Variants in ASCC3 observed in about 807,000 individuals in gnomAD.
ASCC3 encodes the protein ASC-1 complex subunit P200.
ASCC3 carries 158 observed loss-of-function variants against 256.3 expected under a neutral mutation model. The observed-to-expected ratio is 0.62, with a 90% CI of 0.54 to 0.70. The LOEUF (loss-of-function observed/expected upper bound fraction) is 0.70, where lower values mean the gene tolerates loss of function less well. Among genes scored for constraint, ASCC3 ranks in the 30% least tolerant of loss-of-function variants. The pLI is 0.00. For missense variants in ASCC3, 2,259 were observed against 2,626.0 expected (o/e 0.86, Z 3.05); for synonymous variants, 948 against 883.4 (o/e 1.07, Z -1.30).
At chr6:100,747,491 T>C (rs1245893567) in intron 10 of ASCC3, among the ~76,000 whole-genome samples, 1 of 152,044 alleles carries the variant, frequency 6.6e-6, no homozygotes, top group Admixed American at 6.6e-5. Flanking sequence ...CATATGTCTG[T>C]GAAAATTAAA....
At chr6:100,843,980 C>G (rs766904381) in intron 4 of ASCC3, among the ~76,000 whole-genome samples, 7 of 151,474 alleles carry the variant, frequency 4.6e-5, no homozygotes, top group Non-Finnish European at 8.8e-5. Context: ...CAAATCCTCA[C>G]AGCAACACTG....
At chr6:100,645,880 T>A (rs546960687) in intron 22 of ASCC3, among the ~76,000 whole-genome samples, 7 of 151,998 alleles carry the variant, frequency 4.6e-5, no homozygotes, top group Admixed American at 1.3e-4. Context: ...CTGAGAAAAA[T>A]CTATTTATTA....
intron 7 of ASCC3, 76 bp from the exon 8 acceptor site, chr6:100,798,914 A>C: frequency 3.0e-6 from 4 of 1,331,974 alleles, no homozygotes; most frequent in Non-Finnish European, 4.2e-6. Flanking sequence ...CTTTAGAGAG[A>C]GACAGAAAAC....
intron 4 of ASCC3, among the ~76,000 whole-genome samples, chr6:100,844,915 T>G (rs1772317413): frequency 6.6e-6 from 1 of 152,182 alleles, no homozygotes; most frequent in African/African-American, 2.4e-5. Flanking sequence ...AGAACATAGA[T>G]GTGCTTTCTA....
At chr6:100,850,849 T>C (rs1173817440) in intron 3 of ASCC3, among the ~76,000 whole-genome samples, 1 of 152,190 alleles carries the variant, frequency 6.6e-6, no homozygotes, top group Non-Finnish European at 1.5e-5. Flanking sequence ...TTATAACTTG[T>C]AAAACAGGAT....
In ASCC3 at chr6:100,518,628, C is replaced by T. The variant is rs544666843; in HGVS notation, c.5776-486G>A. Among the ~76,000 whole-genome samples, 29 of 152,196 alleles carry T rather than the reference C, an allele frequency of 1.9e-4. No individual in the cohort carries two copies. The South Asian group carries it at 6.0e-3, about 32-fold the overall frequency. ...AAGATAGAGGCCTGGTTTTCAATGACAATAATACACCACACCACACACTAG... is the reference window on the plus strand; with the variant it reads ...AAGATAGAGGCCTGGTTTTCAATGATAATAATACACCACACCACACACTAG... On this transcript the variant is annotated intron_variant, in intron 37 of 41. Coordinates refer to ENST00000369162, the MANE Select transcript of ASCC3 (RefSeq NM_006828.4).
intron 37 of ASCC3, chr6:100,530,562 A>C (rs1774817799): frequency 3.8e-6 from 3 of 785,602 alleles, no homozygotes; most frequent in Non-Finnish European, 4.7e-6. Context: ...CCTGGCACTC[A>C]ATCCAGCCAG....
chr6:100,545,781 T>C (rs1428231024), intron 36 of ASCC3, among the ~76,000 whole-genome samples: 3 of 152,158 alleles, frequency 2.0e-5, no homozygotes, highest in Non-Finnish European at 4.4e-5. Flanking sequence ...GGGATCTTAC[T>C]ATGTTGCGGA....
intron 10 of ASCC3, among the ~76,000 whole-genome samples, chr6:100,743,477 CTCACCCCCGGACTCTCCTA>C (rs1780527331): frequency 6.6e-6 from 1 of 152,054 alleles, no homozygotes; most frequent in African/African-American, 2.4e-5. Flanking sequence ...AGTCTTCTCC[CTCACCCCCGGACTCTCCTA>C]TCAAAACAGG....
At chr6:100,606,411 G>T (rs1772890063) in intron 32 of ASCC3, among the ~76,000 whole-genome samples, 1 of 152,048 alleles carries the variant, frequency 6.6e-6, no homozygotes, top group South Asian at 2.1e-4. Flanking sequence ...ACAATACTTA[G>T]TCATAATTTA....
In ASCC3 at chr6:100,646,772, G is replaced by A; in HGVS notation, c.3479-3C>T. 1.9e-6 allele frequency: 3 copies of A among 1,613,284 alleles called. No individual in the cohort carries two copies. The highest frequency in any genetic ancestry group is 2.5e-6 in the Non-Finnish European group (3 of 1,179,424). On this transcript the variant is annotated splice_region_variant and splice_polypyrimidine_tract_variant and intron_variant, in intron 21 of 41. Coordinates refer to ENST00000369162, the MANE Select transcript of ASCC3 (RefSeq NM_006828.4). ...ATTCACATGATGTAAAATGTGACCT[G>A]CAAGAAAAATATCACATAGAAGAAA... is the stretch of plus-strand genomic sequence containing the variant.
chr6:100,860,523 C>T lies in ASCC3; in HGVS notation c.241+3541G>A, dbSNP rs846795. ...TCAGCATTACAGGTAGTGAAGACCA[C>T]AGAGAACTTTGAGTTGGATTCTCTA... On this transcript the variant is annotated intron_variant, in intron 3 of 41. Transcript: ENST00000369162. Among the ~76,000 whole-genome samples, 1,022 of 151,972 alleles carry T rather than the reference C, an allele frequency of 6.7e-3. 12 individuals are homozygous for T. The highest frequency in any genetic ancestry group is 0.024 in the African/African-American group (981 of 41,516).
In ASCC3 at chr6:100,650,550, T is replaced by C; in HGVS notation, c.3240A>G (p.Ala1080=). 4 of 1,612,618 alleles carry C rather than the reference T, an allele frequency of 2.5e-6. No homozygotes were observed. Among genetic ancestry groups the C allele is most frequent in the Non-Finnish European group, 3.4e-6 (4 of 1,178,958 alleles). ...MDSFSLISDS[A]YVAQNAARIV... Reference sequence around the variant, plus strand: ...ATAAGATACTTACCTGTGCAACATATGCAGAATCTGATATAAGGGAGAAAC... The same window carrying C: ...ATAAGATACTTACCTGTGCAACATACGCAGAATCTGATATAAGGGAGAAAC... Residue 1080 remains alanine, a synonymous_variant, in exon 20 of 42, where the codon GCA becomes GCG. Transcript: ENST00000369162.
chr6:100,593,106 T>C (rs1250664706), intron 34 of ASCC3, among the ~76,000 whole-genome samples: 1 of 152,054 alleles, frequency 6.6e-6, no homozygotes, highest in Admixed American at 6.6e-5. Flanking sequence ...ACAAGCAGGG[T>C]TGAATATTTA....
intron 36 of ASCC3, among the ~76,000 whole-genome samples, chr6:100,586,564 G>T (rs1270737999): frequency 1.3e-5 from 2 of 152,130 alleles, no homozygotes. Context: ...GCCCTGCTTT[G>T]GCTCACGCAC....
chr6:100,698,242 A>C (rs1778180975), intron 13 of ASCC3, among the ~76,000 whole-genome samples: 1 of 152,104 alleles, frequency 6.6e-6, no homozygotes. Flanking sequence ...AAAATCCTCA[A>C]AGACTTAGGA....
intron 8 of ASCC3, among the ~76,000 whole-genome samples, chr6:100,783,524 C>T (rs1024304942): frequency 6.6e-6 from 1 of 152,180 alleles, no homozygotes; most frequent in Non-Finnish European, 1.5e-5. Context: ...AGGACGTGGT[C>T]TGTCCTCAAG....
intron 27 of ASCC3, 83 bp downstream of exon 27, chr6:100,628,932 T>C (rs925392469): frequency 2.8e-5 from 34 of 1,224,528 alleles, no homozygotes; most frequent in Admixed American, 6.0e-5. Context: ...TATATAAATA[T>C]TACATGCAAA....
intron 10 of ASCC3, among the ~76,000 whole-genome samples, chr6:100,756,067 A>C (rs1316323317): frequency 1.3e-5 from 2 of 152,040 alleles, no homozygotes; most frequent in African/African-American, 4.8e-5. Context: ...ACAATACAAA[A>C]GTAATTTATC....
Sources: allele counts gnomAD v4.1 joint callset (sites outside exome capture counted in the v4.1 genomes callset), GRCh38; gene constraint gnomAD v4.1.1; transcripts MANE v1.5; gene names NCBI Gene and HGNC (gene_info 2026-07-23, HGNC 2026-07-21).